The following ANXA8 variants were observed in gnomAD, a reference collection of about 807,000 sequenced individuals.
ANXA8 encodes the protein VAC-beta.
Under a neutral mutation model 26.8 loss-of-function variants are expected in ANXA8, and 9 were observed. The observed-to-expected ratio is 0.34, with a 90% CI of 0.20 to 0.59. ANXA8 has a LOEUF of 0.59. Among genes scored for constraint, ANXA8 ranks in the 20% least tolerant of loss-of-function variants. The pLI is 0.84. For synonymous variants in ANXA8, 39 were observed against 94.8 expected, an observed-to-expected ratio of 0.41 and a Z score of 3.42; for missense variants, 83 against 238.5, an observed-to-expected ratio of 0.35 and a Z score of 4.29.
At chr10:47,581,283 G>A in the ANXA8 span, 39 of 498,358 alleles carry the variant, frequency 7.8e-5, 1 homozygote, top group African/African-American at 3.3e-4. Flanking sequence ...AGAAGCAGGC[G>A]TTCCTGGAAC....
chr10:47,630,494 G>T, the ANXA8 span, among the ~76,000 whole-genome samples: 2 of 149,184 alleles, frequency 1.3e-5, no homozygotes, highest in Admixed American at 6.6e-5. Flanking sequence ...TTTCAACTAA[G>T]AAAAAAGTAA....
At chr10:47,743,378 A>ATATATGTG in the ANXA8 span, among the ~76,000 whole-genome samples, 1 of 59,776 alleles carries the variant, frequency 1.7e-5, no homozygotes, top group African/African-American at 5.5e-5. Flanking sequence ...ATACATATAT[A>ATATATGTG]TGTGTGTGTG....
chr10:47,937,238 G>A, the ANXA8 span, among the ~76,000 whole-genome samples: 2 of 149,620 alleles, frequency 1.3e-5, no homozygotes, highest in African/African-American at 4.9e-5. Flanking sequence ...AGCCTTGTCG[G>A]ATGATGGCAG....
At chr10:47,969,801 C>G in the ANXA8 span, among the ~76,000 whole-genome samples, 6 of 151,002 alleles carry the variant, frequency 4.0e-5, no homozygotes, top group African/African-American at 1.2e-4. Flanking sequence ...CTGCAGGCTT[C>G]AATTCCTGTC....
At chr10:47,566,267 T>C in the ANXA8 span, among the ~76,000 whole-genome samples, 1 of 151,644 alleles carries the variant, frequency 6.6e-6, no homozygotes, top group Non-Finnish European at 1.5e-5. Flanking sequence ...AGAGGCCACC[T>C]TCAGTCGCAA....
At chr10:47,516,558 A>G in the ANXA8 span, among the ~76,000 whole-genome samples, 1 of 138,024 alleles carries the variant, frequency 7.2e-6, no homozygotes, top group East Asian at 3.0e-4. Context: ...CACAGAATCT[A>G]GGACTCAGGA....
chr10:47,485,905 G>A (rs1385561148), upstream of ANXA8, among the ~76,000 whole-genome samples: 2 of 151,808 alleles, frequency 1.3e-5, no homozygotes, highest in Non-Finnish European at 2.9e-5. Context: ...TCAGGAGATC[G>A]AGACCATCCT....
At chr10:47,733,291 CTTTCTT>C in the ANXA8 span, among the ~76,000 whole-genome samples, 586 of 64,834 alleles carry the variant, frequency 9.0e-3, 16 homozygotes, top group East Asian at 0.028. Flanking sequence ...TTCTTTCTTT[CTTTCTT>C]TTTTTTCTTT....
At chr10:47,528,279 A>G in the ANXA8 span, among the ~76,000 whole-genome samples, 3 of 141,810 alleles carry the variant, frequency 2.1e-5, no homozygotes, top group African/African-American at 2.6e-5. Flanking sequence ...TGGGGTTTCA[A>G]CGTGTTAGCC....
chr10:47,745,668 T>C, the ANXA8 span, among the ~76,000 whole-genome samples: 3 of 135,158 alleles, frequency 2.2e-5, no homozygotes, highest in African/African-American at 7.7e-5. Context: ...GGTTCCTCCT[T>C]GGTGACTGGA....
the ANXA8 span, among the ~76,000 whole-genome samples, chr10:47,702,570 A>G: frequency 2.6e-5 from 4 of 151,058 alleles, no homozygotes; most frequent in Non-Finnish European, 5.9e-5. Flanking sequence ...TGAACTCCTG[A>G]CCTCAAATGA....
chr10:47,947,443 C>T, the ANXA8 span, among the ~76,000 whole-genome samples: 1 of 145,222 alleles, frequency 6.9e-6, no homozygotes, highest in African/African-American at 2.6e-5. Context: ...GAGTAATGTA[C>T]AGAAAAATAT....
the ANXA8 span, among the ~76,000 whole-genome samples, chr10:47,977,010 A>G: frequency 1.1e-5 from 1 of 92,388 alleles, no homozygotes; most frequent in East Asian, 2.2e-4. Flanking sequence ...AGATCTAACT[A>G]GAGCTTAACT....
At chr10:47,747,185 T>C in the ANXA8 span, among the ~76,000 whole-genome samples, 1 of 151,662 alleles carries the variant, frequency 6.6e-6, no homozygotes, top group African/African-American at 2.4e-5. Flanking sequence ...CAGACGGCCA[T>C]AGCTAAGAGG....
the ANXA8 span, among the ~76,000 whole-genome samples, chr10:47,672,862 C>A: frequency 6.6e-6 from 1 of 151,580 alleles, no homozygotes; most frequent in South Asian, 2.1e-4. Context: ...TAACTGAAAA[C>A]CTATAAAAGC....
chr10:47,767,454 G>A, the ANXA8 span, among the ~76,000 whole-genome samples: 1 of 152,256 alleles, frequency 6.6e-6, no homozygotes, highest in Non-Finnish European at 1.5e-5. Context: ...CCTGCCCCTG[G>A]GCGTGGTTTC....
chr10:47,535,269 C>G, the ANXA8 span, among the ~76,000 whole-genome samples: 1 of 131,856 alleles, frequency 7.6e-6, no homozygotes, highest in Non-Finnish European at 1.5e-5. Context: ...CCACCACTCC[C>G]GAACCCATTT....
chr10:47,945,318 T>C, the ANXA8 span, among the ~76,000 whole-genome samples: 1 of 150,102 alleles, frequency 6.7e-6, no homozygotes, highest in East Asian at 2.1e-4. Context: ...CACTCAGCAA[T>C]GTTGACTGAA....
chr10:47,746,733 C>G, the ANXA8 span, among the ~76,000 whole-genome samples: 1 of 132,368 alleles, frequency 7.6e-6, no homozygotes, highest in Non-Finnish European at 1.6e-5. Flanking sequence ...AGCCAACCCA[C>G]AGATGTGTTA....
Sources: gnomAD v4.1 joint callset for allele counts (sites outside exome capture counted in the v4.1 genomes callset) on GRCh38, gnomAD v4.1.1 for gene constraint, MANE v1.5 for transcripts, NCBI Gene and HGNC (gene_info 2026-07-23, HGNC 2026-07-21) for gene names.